HK1: variants seen among roughly 807,000 people sequenced by gnomAD.
HK1 encodes the protein hexokinase 1.
HK1 carries 28 observed loss-of-function variants against 91.6 expected under a neutral mutation model. The observed-to-expected ratio is 0.31, with a 90% CI of 0.23 to 0.42. HK1 has a LOEUF of 0.42. HK1 is among the 10% of genes least tolerant of loss of function. The probability of loss-of-function intolerance (pLI) is 1.00; values close to 1 mark genes in which losing one functional copy is unlikely to be tolerated. For synonymous variants in HK1, 430 were observed against 468.1 expected (o/e 0.92, Z 1.05); for missense variants, 770 against 1,219.8 (o/e 0.63, Z 5.49).
At chr10:69,309,858 C>T (rs1250491863) in intron 5 of HK1, among the ~76,000 whole-genome samples, 1 of 150,150 alleles carries the variant, frequency 6.7e-6, no homozygotes, top group Non-Finnish European at 1.5e-5. Flanking sequence ...ACTAGCCTGA[C>T]CAACATGGTG....
In HK1 at chr10:69,359,886, T is replaced by C; in HGVS notation, c.227-11T>C. 6.2e-7 allele frequency: 1 copy of C among 1,613,766 alleles called. No homozygotes were observed. Among genetic ancestry groups the C allele is most frequent in the Non-Finnish European group, 8.5e-7 (1 of 1,179,682 alleles). On this transcript the variant is annotated splice_polypyrimidine_tract_variant and intron_variant, in intron 2 of 17. Transcript: ENST00000359426. ...TGAATCTCATGTGATACCTGTTGTC[T>C]CCCTAAACAGAAAAGGGAGATTTCA...
At position 69,380,429 on chromosome 10, in the gene HK1, G is replaced by C. The variant is rs887612289; in HGVS notation, c.1265+334G>C. On this transcript the variant is annotated intron_variant, in intron 9 of 17. Transcript: ENST00000359426. The surrounding 1 kb of genome is among the most constrained non-coding windows in gnomAD (Gnocchi z 4.0). Reference sequence around the variant, plus strand: ...GTCGATTCTTGCTGGTATTGCTTCTGCACTCTGTCGTTACCTCGCCCTGTC... The same window carrying C: ...GTCGATTCTTGCTGGTATTGCTTCTCCACTCTGTCGTTACCTCGCCCTGTC... Among the ~76,000 whole-genome samples, 5 of 152,200 alleles carry C rather than the reference G, an allele frequency of 3.3e-5. No homozygotes were observed. The highest frequency in any genetic ancestry group is 9.6e-5 in the African/African-American group (4 of 41,452).
Position 69,374,523 on chromosome 10 carries a change from T to C in HK1, c.876-2411T>C, listed in dbSNP as rs370496596. Among the ~76,000 whole-genome samples the C allele has an allele frequency of 2.6e-5, 4 of 152,252 alleles. No individual in the cohort carries two copies. In the East Asian group the frequency reaches 5.8e-4, roughly 22 times the overall value. ...CATGCCCTGAGAGGCAGATCATGAC[T>C]TGCTCGATTTCATTAATTTCACTTG... On this transcript the variant is annotated intron_variant, in intron 7 of 17. Coordinates refer to ENST00000359426, the MANE Select transcript of HK1 (RefSeq NM_000188.3).
chr10:69,319,214 G>A (rs2132565460), intron 1 of HK1: 2 of 666,446 alleles, frequency 3.0e-6, no homozygotes, highest in Non-Finnish European at 5.1e-6. Context: ...TTGGGAGGGG[G>A]GCAATCGGGC....
chr10:69,368,423 C>T, intron 4 of HK1, 113 bp from the exon 5 acceptor site: 1 of 858,130 alleles, frequency 1.2e-6, no homozygotes, highest in Non-Finnish European at 2.0e-6. Flanking sequence ...CTGGGAGGAG[C>T]CACTTGGCCC....
chr10:69,339,889 A>C (rs756704896), intron 1 of HK1, among the ~76,000 whole-genome samples: 15 of 152,222 alleles, frequency 9.9e-5, no homozygotes, highest in Non-Finnish European at 2.1e-4. Flanking sequence ...CTTTGAACTA[A>C]TCACTTAGCT....
At chr10:69,334,239 A>C (rs1002534988) in intron 1 of HK1, among the ~76,000 whole-genome samples, 21 of 152,220 alleles carry the variant, frequency 1.4e-4, no homozygotes, top group African/African-American at 5.1e-4. Context: ...GAGACCGGGC[A>C]AGGCTGTGTC....
intron 1 of HK1, chr10:69,338,773 G>A (rs1848145526): frequency 4.6e-6 from 5 of 1,098,024 alleles, no homozygotes; most frequent in Admixed American, 2.5e-5. Flanking sequence ...TTGTGTATGT[G>A]AGAGTGTGTG....
intron 3 of HK1, among the ~76,000 whole-genome samples, chr10:69,290,273 G>C (rs1225372056): frequency 6.6e-6 from 1 of 152,144 alleles, no homozygotes; most frequent in Non-Finnish European, 1.5e-5. Flanking sequence ...CCCTTGGGTG[G>C]CAAATTAATT....
chr10:69,328,631 A>G (rs1166709013), intron 1 of HK1, among the ~76,000 whole-genome samples: 1 of 151,990 alleles, frequency 6.6e-6, no homozygotes, highest in Admixed American at 6.6e-5. Context: ...TGCTTTTATT[A>G]TTTTCTCAAT....
chr10:69,284,819 CT>C (rs1464502405), intron 2 of HK1, among the ~76,000 whole-genome samples: 1 of 151,586 alleles, frequency 6.6e-6, no homozygotes, highest in Non-Finnish European at 1.5e-5. Context: ...TTTAGTTTTT[CT>C]TTTTTCTTTT....
At chr10:69,372,158 C>T (rs1454496887) in intron 7 of HK1, among the ~76,000 whole-genome samples, 4 of 152,176 alleles carry the variant, frequency 2.6e-5, no homozygotes, top group East Asian at 3.9e-4. Context: ...TTCAATATCA[C>T]GAGAATTGCG....
intron 4 of HK1, 117 bp from the exon 5 acceptor site, chr10:69,368,419 G>A (rs1184072117): frequency 9.7e-6 from 8 of 824,554 alleles, no homozygotes; most frequent in African/African-American, 1.7e-5. Context: ...TGATCTGGGA[G>A]GAGCCACTTG....
At chr10:69,362,182 A>T (rs777956121) in intron 3 of HK1, among the ~76,000 whole-genome samples, 49 of 152,308 alleles carry the variant, frequency 3.2e-4, no homozygotes, top group African/African-American at 1.2e-3. Flanking sequence ...AAGTTTTTGT[A>T]TTAGCCATCA....
intron 8 of HK1, among the ~76,000 whole-genome samples, chr10:69,377,378 C>T (rs562249310): frequency 6.6e-6 from 1 of 151,558 alleles, no homozygotes; most frequent in South Asian, 2.1e-4. Context: ...ATCACCCCCA[C>T]CCTCCACACA....
intron 1 of HK1, among the ~76,000 whole-genome samples, chr10:69,274,468 C>T (rs867310742): frequency 1.8e-4 from 27 of 151,786 alleles, no homozygotes; most frequent in Middle Eastern, 6.8e-3. Flanking sequence ...CATGGTGTCA[C>T]ACACATGTAA....
chr10:69,376,074 T>C (rs1011964015), intron 7 of HK1, among the ~76,000 whole-genome samples: 1 of 152,164 alleles, frequency 6.6e-6, no homozygotes, highest in South Asian at 2.1e-4. Context: ...GAGAAAATCA[T>C]GCCAGGGAGG....
In HK1 at chr10:69,285,068, C is replaced by T. The variant is rs562005700; in HGVS notation, c.-215+2364C>T. Among the ~76,000 whole-genome samples the T allele has an allele frequency of 1.6e-4, 25 of 152,214 alleles. 2 individuals are homozygous for T. The South Asian group carries it at 5.2e-3, about 32-fold the overall frequency. ...TCCTGACCTCAGGTGTTCTGCCCAC[C>T]TTGGCCTCCCCAAATGCTGGGATTA... On this transcript the variant is annotated intron_variant, in intron 2 of 21. Transcript: ENST00000360289.
chr10:69,386,755 G>T, intron 13 of HK1: 1 of 222,552 alleles, frequency 4.5e-6, no homozygotes, highest in Non-Finnish European at 9.1e-6. Context: ...CTACAGCCTG[G>T]GCGACAGAGC....
Sources: gnomAD v4.1 joint callset for allele counts (sites outside exome capture counted in the v4.1 genomes callset) on GRCh38, gnomAD v4.1.1 for gene constraint, Gnocchi (gnomAD v3.1) non-coding constraint, MANE v1.5 for transcripts, NCBI Gene and HGNC (gene_info 2026-07-23, HGNC 2026-07-21) for gene names.